NRXN3: variants seen among roughly 807,000 people sequenced by gnomAD.
The protein encoded by NRXN3 is neurexin III.
A neutral mutation model predicts 137.6 loss-of-function variants in NRXN3; 32 were observed. That is an observed-to-expected ratio of 0.23 (90% CI 0.18 to 0.31). NRXN3 has a LOEUF of 0.31. NRXN3 is among the 10% of genes least tolerant of loss of function. NRXN3 has a pLI of 1.00. For synonymous variants in NRXN3, 798 were observed against 784.5 expected (o/e 1.02, Z -0.29); for missense variants, 1,574 against 2,062.5 (o/e 0.76, Z 4.59).
At chr14:78,440,658 C>T (rs997830653) in intron 4 of NRXN3, among the ~76,000 whole-genome samples, 1 of 152,038 alleles carries the variant, frequency 6.6e-6, no homozygotes, top group Non-Finnish European at 1.5e-5. Context: ...CTATGTTCGT[C>T]CTGTAGGCTC....
intron 4 of NRXN3, among the ~76,000 whole-genome samples, chr14:78,383,134 G>A (rs1408732146): frequency 1.3e-5 from 2 of 152,104 alleles, no homozygotes; most frequent in African/African-American, 4.8e-5. Context: ...AGTGAATCAG[G>A]GGCTGGGCTC....
chr14:79,736,468 G>C (rs2098942162), intron 19 of NRXN3, among the ~76,000 whole-genome samples: 1 of 152,136 alleles, frequency 6.6e-6, no homozygotes, highest in Non-Finnish European at 1.5e-5. Context: ...AAATAATTGA[G>C]AGCTTCCTCT....
In NRXN3 at chr14:78,351,295, G is replaced by T. The variant is rs564605885; in HGVS notation, c.757+53435G>T. Among the ~76,000 whole-genome samples the T allele has an allele frequency of 2.9e-3, 445 of 152,162 alleles. 1 individual carries two copies. Among genetic ancestry groups the T allele is most frequent in the Middle Eastern group, 0.021 (6 of 292 alleles). ...AGATTGTTTACAGTTATTAGCTTTTGCAAACATTTCAGTTTTTGCATACAT... is the reference window on the plus strand; with the variant it reads ...AGATTGTTTACAGTTATTAGCTTTTTCAAACATTTCAGTTTTTGCATACAT... On this transcript the variant is annotated intron_variant, in intron 4 of 20. Coordinates refer to ENST00000335750, the MANE Select transcript of NRXN3 (RefSeq NM_001330195.2).
At chr14:79,072,490 A>G (rs542391181) in intron 15 of NRXN3, 2 of 152,314 alleles carry the variant, frequency 1.3e-5, no homozygotes, top group South Asian at 4.1e-4. Context: ...AACGAAAGAA[A>G]TCAGTGGTTT....
intron 15 of NRXN3, among the ~76,000 whole-genome samples, chr14:79,251,695 G>A (rs979764886): frequency 1.3e-5 from 2 of 152,128 alleles, no homozygotes; most frequent in East Asian, 3.9e-4. Flanking sequence ...ACCTGGGAGA[G>A]CACATTTTTA....
At chr14:78,529,080 A>G (rs1300911775) in intron 4 of NRXN3, among the ~76,000 whole-genome samples, 1 of 152,122 alleles carries the variant, frequency 6.6e-6, no homozygotes, top group Non-Finnish European at 1.5e-5. Flanking sequence ...TTGCTAGTGG[A>G]GCTAAAATAA....
At chr14:79,398,733 G>T (rs954148172) in intron 15 of NRXN3, among the ~76,000 whole-genome samples, 2 of 152,086 alleles carry the variant, frequency 1.3e-5, no homozygotes, top group African/African-American at 4.8e-5. Context: ...GAGTTGGCTG[G>T]GCGTGGTTGT....
At chr14:78,841,980 A>G (rs1433192327) in intron 10 of NRXN3, among the ~76,000 whole-genome samples, 1 of 152,158 alleles carries the variant, frequency 6.6e-6, no homozygotes, top group Non-Finnish European at 1.5e-5. Context: ...GCTGCAAAGT[A>G]CTTACGATAC....
At chr14:79,652,118 T>C (rs1478597162) in intron 16 of NRXN3, among the ~76,000 whole-genome samples, 1 of 152,060 alleles carries the variant, frequency 6.6e-6, no homozygotes, top group Non-Finnish European at 1.5e-5. Flanking sequence ...TAAAAGAAAA[T>C]AAGAGGGTCA....
chr14:79,231,406 A>G (rs1328324230), intron 15 of NRXN3, among the ~76,000 whole-genome samples: 1 of 152,204 alleles, frequency 6.6e-6, no homozygotes, highest in African/African-American at 2.4e-5. Context: ...TGAGTGGCAC[A>G]GATGAGCAAA....
At chr14:78,710,856 C>T (rs1211084318) in intron 7 of NRXN3, among the ~76,000 whole-genome samples, 1 of 152,162 alleles carries the variant, frequency 6.6e-6, no homozygotes, top group Non-Finnish European at 1.5e-5. Flanking sequence ...TTTTATTGCC[C>T]AGTAGGAATC....
intron 15 of NRXN3, among the ~76,000 whole-genome samples, chr14:79,242,340 C>A (rs2074439135): frequency 6.6e-6 from 1 of 152,110 alleles, no homozygotes. Flanking sequence ...TGAGGCCAAG[C>A]TAAGGGCAGA....
intron 1 of NRXN3, among the ~76,000 whole-genome samples, chr14:78,208,331 C>G (rs978683233): frequency 1.3e-5 from 2 of 152,172 alleles, no homozygotes; most frequent in African/African-American, 4.8e-5. Context: ...GTTCTCTATC[C>G]TCCTGCCCTT....
intron 6 of NRXN3, among the ~76,000 whole-genome samples, chr14:78,661,542 GTTAAC>G (rs1035618491): frequency 3.2e-4 from 49 of 152,332 alleles, no homozygotes; most frequent in African/African-American, 1.2e-3. Flanking sequence ...AACATGGCTT[GTTAAC>G]TTTGTGGATG....
chr14:79,138,144 T>C (rs1308962455), intron 15 of NRXN3, among the ~76,000 whole-genome samples: 1 of 152,210 alleles, frequency 6.6e-6, no homozygotes, highest in Non-Finnish European at 1.5e-5. Flanking sequence ...ATATATTGTA[T>C]TTTCATCTTA....
intron 15 of NRXN3, among the ~76,000 whole-genome samples, chr14:79,005,590 T>C (rs2099550710): frequency 2.0e-5 from 3 of 152,276 alleles, no homozygotes; most frequent in East Asian, 1.9e-4. Context: ...AACATAACAT[T>C]CCATTTAAGT....
At position 79,334,051 on chromosome 14, in the gene NRXN3, T is replaced by C. The variant is rs549616074; in HGVS notation, c.3263-133170T>C. Among the ~76,000 whole-genome samples the C allele has an allele frequency of 1.6e-4, 25 of 152,288 alleles. 1 individual carries two copies. In the East Asian group the frequency reaches 4.4e-3, roughly 27 times the overall value. ...AAAGCAGCATGCTATTGTAAAGTAG[T>C]GCAATCATTCGTTCATTCACAGGTA... On this transcript the variant is annotated intron_variant, in intron 15 of 20. Coordinates refer to ENST00000335750, the MANE Select transcript of NRXN3 (RefSeq NM_001330195.2).
chr14:79,284,399 A>G (rs2081907298), intron 15 of NRXN3, among the ~76,000 whole-genome samples: 1 of 126,822 alleles, frequency 7.9e-6, no homozygotes, highest in Admixed American at 8.4e-5. Flanking sequence ...TCTCCAATGT[A>G]CATCTGCCTA....
At chr14:79,253,230 A>G (rs773617847) in intron 15 of NRXN3, among the ~76,000 whole-genome samples, 1 of 152,190 alleles carries the variant, frequency 6.6e-6, no homozygotes, top group Non-Finnish European at 1.5e-5. Context: ...CTTCTGTGGG[A>G]AAGGGCTCTG....
Sources: gnomAD v4.1 joint callset for allele counts (sites outside exome capture counted in the v4.1 genomes callset) on GRCh38, gnomAD v4.1.1 for gene constraint, MANE v1.5 for transcripts, NCBI Gene and HGNC (gene_info 2026-07-23, HGNC 2026-07-21) for gene names.